GRID1: variants seen among roughly 807,000 people sequenced by gnomAD.
The protein encoded by GRID1 is glutamate receptor ionotropic, delta-1.
GRID1 carries 28 observed loss-of-function variants against 98.0 expected under a neutral mutation model. That is an observed-to-expected ratio of 0.29 (90% CI 0.21 to 0.39). The LOEUF (loss-of-function observed/expected upper bound fraction) is 0.39. Ranked by LOEUF, GRID1 falls within the 10% of genes least tolerant of loss-of-function variation. The pLI, the probability that GRID1 is intolerant of heterozygous loss-of-function variation, is 1.00. For synonymous variants in GRID1, 553 were observed against 538.5 expected, an observed-to-expected ratio of 1.03 and a Z score of -0.37; for missense variants, 1,111 against 1,340.5, an observed-to-expected ratio of 0.83 and a Z score of 2.67.
In GRID1 at chr10:85,844,870, A is replaced by G. The variant is rs147029580; in HGVS notation, c.1233+9626T>C. ...TTATATAATTATCTTGATAGATGCA[A>G]AATAGCCTTTAAATAAATGTAACAC... On this transcript the variant is annotated intron_variant, in intron 8 of 15. Transcript: ENST00000327946. Among the ~76,000 whole-genome samples, 769 of 152,152 alleles carry G rather than the reference A, an allele frequency of 5.1e-3. 9 individuals are homozygous for G. The highest frequency in any genetic ancestry group is 0.018 in the African/African-American group (732 of 41,546).
chr10:85,980,755 T>C (rs1274605368), intron 4 of GRID1, among the ~76,000 whole-genome samples: 1 of 152,166 alleles, frequency 6.6e-6, no homozygotes, highest in African/African-American at 2.4e-5. Flanking sequence ...TTGTAATGAA[T>C]TGAGGCCCAA....
At chr10:85,942,603 G>A (rs931736703) in intron 4 of GRID1, among the ~76,000 whole-genome samples, 2 of 152,172 alleles carry the variant, frequency 1.3e-5, no homozygotes, top group African/African-American at 2.4e-5. Context: ...CTCGGTGTTC[G>A]TGTTCAAGGT....
chr10:86,245,524 TTTACTCCATTCCTCCTCTACCATTCG>T (rs1846710891), intron 2 of GRID1, among the ~76,000 whole-genome samples: 1 of 150,734 alleles, frequency 6.6e-6, no homozygotes, highest in African/African-American at 2.4e-5. Context: ...TACCATTTGC[TTTACTCCATTCCTCCTCTACCATTCG>T]CTTTACTCCA....
intron 4 of GRID1, among the ~76,000 whole-genome samples, chr10:85,979,505 C>G (rs889305848): frequency 6.6e-6 from 1 of 152,188 alleles, no homozygotes. Context: ...TCCAAGCCCC[C>G]CTTCCTGGCT....
In GRID1 at chr10:85,802,166, G is replaced by A. The variant is rs576102404; in HGVS notation, c.1233+52330C>T. Among the ~76,000 whole-genome samples, 9 of 152,016 alleles carry A rather than the reference G, an allele frequency of 5.9e-5. No homozygotes were observed. In the South Asian group the frequency reaches 1.0e-3, roughly 17 times the overall value. ...TAATATGGTAAGGATATCAACTGTC[G>A]CTGAAATTGTTCTATACAGCCAAAG... On this transcript the variant is annotated intron_variant, in intron 8 of 15. Transcript: ENST00000327946.
chr10:86,187,524 C>T (rs117662428), intron 3 of GRID1, among the ~76,000 whole-genome samples: 6,605 of 152,290 alleles, frequency 0.043, 198 homozygotes, highest in South Asian at 0.079. Context: ...TAACGAATAT[C>T]CCTAAGGGAC....
At chr10:85,646,147 T>C (rs1843187071) in intron 13 of GRID1, 1 of 151,600 alleles carries the variant, frequency 6.6e-6, no homozygotes, top group Non-Finnish European at 1.5e-5. Context: ...TGGCAAGGTG[T>C]TAGTGTGCCT....
At chr10:86,073,977 A>G (rs1843841746) in intron 4 of GRID1, among the ~76,000 whole-genome samples, 1 of 136,496 alleles carries the variant, frequency 7.3e-6, no homozygotes, top group South Asian at 2.2e-4. Context: ...GGAAATTCCC[A>G]TTATTCTGAG....
intron 8 of GRID1, among the ~76,000 whole-genome samples, chr10:85,736,366 T>C (rs1841883946): frequency 6.6e-6 from 1 of 152,112 alleles, no homozygotes; most frequent in South Asian, 2.1e-4. Context: ...ACCCCAAATC[T>C]CATGCTTAAT....
chr10:86,275,687 G>A (rs1370879171), intron 2 of GRID1, among the ~76,000 whole-genome samples: 1 of 152,078 alleles, frequency 6.6e-6, no homozygotes, highest in African/African-American at 2.4e-5. Context: ...ACAGAAGACA[G>A]TGAACTTAAA....
At chr10:85,953,185 T>C (rs917899832) in intron 4 of GRID1, among the ~76,000 whole-genome samples, 1 of 152,074 alleles carries the variant, frequency 6.6e-6, no homozygotes, top group African/African-American at 2.4e-5. Flanking sequence ...TGGAATACTA[T>C]GCAGCTATAA....
intron 4 of GRID1, among the ~76,000 whole-genome samples, chr10:86,007,532 A>G (rs548732707): frequency 6.6e-6 from 1 of 152,370 alleles, no homozygotes; most frequent in East Asian, 1.9e-4. Context: ...TGTACTGCAC[A>G]TGTGCCAAAG....
At chr10:86,292,545 G>C (rs941618772) in intron 2 of GRID1, among the ~76,000 whole-genome samples, 19 of 152,212 alleles carry the variant, frequency 1.2e-4, no homozygotes, top group Admixed American at 1.2e-3. Flanking sequence ...TGGTCCCATG[G>C]AGCAAACAGC....
intron 3 of GRID1, among the ~76,000 whole-genome samples, chr10:86,152,030 C>T (rs1845177273): frequency 6.6e-6 from 1 of 152,208 alleles, no homozygotes; most frequent in African/African-American, 2.4e-5. Flanking sequence ...AGGAAACAGA[C>T]AAGAAAACAG....
intron 13 of GRID1, among the ~76,000 whole-genome samples, chr10:85,628,864 A>G (rs1367724353): frequency 6.6e-6 from 1 of 152,182 alleles, no homozygotes; most frequent in Non-Finnish European, 1.5e-5. Flanking sequence ...GTGGACAATG[A>G]GTTGACACAA....
intron 4 of GRID1, among the ~76,000 whole-genome samples, chr10:86,002,015 C>G (rs1380841995): frequency 6.6e-6 from 1 of 152,122 alleles, no homozygotes; most frequent in Non-Finnish European, 1.5e-5. Context: ...TCTCTGTGTC[C>G]GTGTCATTAC....
At chr10:85,846,385 A>G (rs1230680269) in intron 8 of GRID1, among the ~76,000 whole-genome samples, 1 of 152,160 alleles carries the variant, frequency 6.6e-6, no homozygotes, top group African/African-American at 2.4e-5. Context: ...TCAGCCAGGC[A>G]TAGTGGCATG....
chr10:85,941,749 A>C (rs956015225), intron 4 of GRID1, among the ~76,000 whole-genome samples: 3 of 152,228 alleles, frequency 2.0e-5, no homozygotes, highest in African/African-American at 7.2e-5. Context: ...GGAGGTGTGC[A>C]AAAGAGGGCA....
At chr10:86,326,083 G>A (rs1486890640) in intron 2 of GRID1, among the ~76,000 whole-genome samples, 1 of 152,190 alleles carries the variant, frequency 6.6e-6, no homozygotes, top group Admixed American at 6.5e-5. Context: ...TTTCGTGTAT[G>A]GGAGCACTCC....
Sources: allele counts gnomAD v4.1 joint callset (sites outside exome capture counted in the v4.1 genomes callset), GRCh38; gene constraint gnomAD v4.1.1; transcripts MANE v1.5; gene names NCBI Gene and HGNC (gene_info 2026-07-23, HGNC 2026-07-21).